Variants in ACSL1 observed in about 807,000 individuals in gnomAD.
ACSL1 encodes acyl-CoA synthetase long chain family member 1, also known as long-chain-fatty-acid--CoA ligase 1.
In ACSL1, 41 loss-of-function variants were observed where a neutral mutation model predicts 98.4. That is an observed-to-expected ratio of 0.42 (90% CI 0.32 to 0.54). ACSL1 has a LOEUF of 0.54. Among genes scored for constraint, ACSL1 ranks in the 20% least tolerant of loss-of-function variants. The pLI is 0.13. For synonymous variants in ACSL1, 316 were observed against 322.7 expected (o/e 0.98, Z 0.22); for missense variants, 734 against 883.1 (o/e 0.83, Z 2.14).
At chr4:184,771,068 A>G (rs1047840740) in intron 10 of ACSL1, among the ~76,000 whole-genome samples, 8 of 152,110 alleles carry the variant, frequency 5.3e-5, no homozygotes, top group African/African-American at 1.9e-4. Context: ...AGGCTGCAGT[A>G]AGCCGAGATT....
chr4:184,780,316 A>G lies in ACSL1; in HGVS notation c.477+16T>C, dbSNP rs200036489. 341 of 1,603,454 alleles carry G rather than the reference A, an allele frequency of 2.1e-4. 2 individuals are homozygous for G. Among genetic ancestry groups the G allele is most frequent in the Non-Finnish European group, 2.8e-5 (33 of 1,172,426 alleles). On this transcript the variant is annotated intron_variant, in intron 5 of 20. Coordinates refer to ENST00000281455, the MANE Select transcript of ACSL1 (RefSeq NM_001995.5). ...ATTCTCAAAATCATGCATAGCAAGTACCTACTGGTTCATACCTCAGGTCTA... is the reference window on the plus strand; with the variant it reads ...ATTCTCAAAATCATGCATAGCAAGTGCCTACTGGTTCATACCTCAGGTCTA...
intron 1 of ACSL1, chr4:184,805,532 G>A: frequency 2.0e-6 from 2 of 985,556 alleles, no homozygotes; most frequent in African/African-American, 3.5e-5. Context: ...CTCACCATCT[G>A]TGCCACCAAC....
chr4:184,807,043 G>A (rs1477910577), intron 1 of ACSL1, among the ~76,000 whole-genome samples: 2 of 152,152 alleles, frequency 1.3e-5, no homozygotes, highest in African/African-American at 2.4e-5. Context: ...AAGGCACTTG[G>A]GGTATTTAAA....
chr4:184,783,910 G>C lies in ACSL1; in HGVS notation c.375+17C>G. Reference sequence around the variant, plus strand: ...CTTGCAAGAGGAGTCCACAGAGCCTGTCTCATACAAACTCACCTGTTTATA... The same window carrying C: ...CTTGCAAGAGGAGTCCACAGAGCCTCTCTCATACAAACTCACCTGTTTATA... On this transcript the variant is annotated intron_variant, in intron 4 of 20. Coordinates refer to ENST00000281455, the MANE Select transcript of ACSL1 (RefSeq NM_001995.5). The C allele has an allele frequency of 3.1e-6, 5 of 1,610,606 alleles. No individual in the cohort carries two copies. Among genetic ancestry groups the C allele is most frequent in the Non-Finnish European group, 4.2e-6 (5 of 1,177,122 alleles).
Position 184,799,830 on chromosome 4 carries a change from C to T in ACSL1, c.195+3490G>A, listed in dbSNP as rs575862799. On this transcript the variant is annotated intron_variant, in intron 2 of 20. Transcript: ENST00000281455. Reference sequence around the variant, plus strand: ...CACCACTGCACTCCAGCCTGGGCAACAGAGCGAGACCCTGTCTCTAAATAA... The same window carrying T: ...CACCACTGCACTCCAGCCTGGGCAATAGAGCGAGACCCTGTCTCTAAATAA... Among the ~76,000 whole-genome samples the T allele has an allele frequency of 1.8e-4, 27 of 152,266 alleles. No individual in the cohort carries two copies. The South Asian group carries it at 5.6e-3, about 32-fold the overall frequency.
chr4:184,780,355 T>A lies in ACSL1; in HGVS notation c.454A>T (p.Ile152Phe), dbSNP rs925874550. 1 of 1,613,718 alleles carries A rather than the reference T, an allele frequency of 6.2e-7. No individual in the cohort carries two copies. The highest frequency in any genetic ancestry group is 1.3e-5 in the African/African-American group (1 of 74,920). ...FKTAPDQFIG[I>F]FAQNRPEWVI... ...ACCTCAGGTCTATTTTGAGCAAAGA[T>A]GCCAATGAACTGATCTGGGGCAGTC... Residue 152 changes from isoleucine (I) to phenylalanine (F), a missense_variant, in exon 5 of 21, where the codon ATC becomes TTC. By Grantham distance (21) the Ile-to-Phe change is conservative (BLOSUM62 0). Transcript: ENST00000281455.
intron 1 of ACSL1, among the ~76,000 whole-genome samples, chr4:184,815,326 G>A (rs938304797): frequency 5.3e-5 from 8 of 152,124 alleles, no homozygotes; most frequent in East Asian, 3.9e-4. Context: ...ACTCGCAGCC[G>A]CATTGTAAGG....
At chr4:184,781,136 A>C (rs1250795310) in intron 4 of ACSL1, among the ~76,000 whole-genome samples, 1 of 147,726 alleles carries the variant, frequency 6.8e-6, no homozygotes, top group Non-Finnish European at 1.5e-5. Context: ...CAGGAGGCTG[A>C]GGCAGAATTG....
intron 1 of ACSL1, among the ~76,000 whole-genome samples, chr4:184,824,254 T>C (rs886280833): frequency 6.6e-6 from 1 of 152,052 alleles, no homozygotes; most frequent in Non-Finnish European, 1.5e-5. Context: ...GCCTCTCGAG[T>C]AGCTGGGACT....
chr4:184,806,595 G>A (rs1579953233), intron 1 of ACSL1, among the ~76,000 whole-genome samples: 1 of 152,016 alleles, frequency 6.6e-6, no homozygotes, highest in African/African-American at 2.4e-5. Context: ...AGACACAGGG[G>A]ATTAATTTGT....
At chr4:184,791,859 A>G (rs1768433341) in intron 2 of ACSL1, among the ~76,000 whole-genome samples, 1 of 152,114 alleles carries the variant, frequency 6.6e-6, no homozygotes, top group Non-Finnish European at 1.5e-5. Context: ...TGTCCCCTTT[A>G]ATCAAATAGA....
chr4:184,763,015 A>T (rs892221689), intron 16 of ACSL1, 152 bp downstream of exon 16: 1 of 728,702 alleles, frequency 1.4e-6, no homozygotes, highest in Non-Finnish European at 2.2e-6. Context: ...ACATAAATGT[A>T]CCCTCAGAAA....
intron 1 of ACSL1, among the ~76,000 whole-genome samples, chr4:184,821,612 G>A (rs1393774417): frequency 6.6e-6 from 1 of 152,152 alleles, no homozygotes; most frequent in Non-Finnish European, 1.5e-5. Flanking sequence ...TTAATTTCAA[G>A]AGTTTTAAAG....
At chr4:184,771,225 G>T (rs1350395407) in intron 10 of ACSL1, among the ~76,000 whole-genome samples, 1 of 152,074 alleles carries the variant, frequency 6.6e-6, no homozygotes, top group African/African-American at 2.4e-5. Flanking sequence ...GGAAAATTTT[G>T]CTCAAATTGG....
At chr4:184,824,541 T>A (rs928246024) in intron 1 of ACSL1, among the ~76,000 whole-genome samples, 1 of 152,208 alleles carries the variant, frequency 6.6e-6, no homozygotes, top group Non-Finnish European at 1.5e-5. Context: ...ATTTTTCTAG[T>A]CGCAGAATTT....
In ACSL1 at chr4:184,766,071, C is replaced by T. The variant is rs2150290218; in HGVS notation, c.1264-85G>A. ...TCCGCCAAGGGGGCCTGCTTGGGACCCCGTTCCCTAACCCATAGCTGCAGA... is the reference window on the plus strand; with the variant it reads ...TCCGCCAAGGGGGCCTGCTTGGGACTCCGTTCCCTAACCCATAGCTGCAGA... On this transcript the variant is annotated intron_variant, in intron 13 of 20. Coordinates refer to ENST00000281455, the MANE Select transcript of ACSL1 (RefSeq NM_001995.5). The surrounding 1 kb of genome is among the most constrained non-coding windows in gnomAD (Gnocchi z 4.8). 8 of 1,334,764 alleles carry T rather than the reference C, an allele frequency of 6.0e-6. No homozygotes were observed. The East Asian group carries it at 1.9e-4, about 31-fold the overall frequency. 82.7% of individuals were successfully genotyped at this position (1,334,764 alleles called of 1,614,324 possible).
intron 12 of ACSL1, among the ~76,000 whole-genome samples, chr4:184,767,714 C>T (rs569417043): frequency 6.6e-6 from 1 of 152,144 alleles, no homozygotes; most frequent in African/African-American, 2.4e-5. Flanking sequence ...TGAGAGATAA[C>T]AAAAGTCCTG....
chr4:184,761,180 AT>A (rs1762808716), intron 17 of ACSL1, among the ~76,000 whole-genome samples: 1 of 152,048 alleles, frequency 6.6e-6, no homozygotes, highest in Non-Finnish European at 1.5e-5. Context: ...CCAGTTCTCC[AT>A]TTTCAAAAGG....
chr4:184,772,765 G>A (rs1276860835), intron 10 of ACSL1, among the ~76,000 whole-genome samples: 1 of 152,202 alleles, frequency 6.6e-6, no homozygotes, highest in Non-Finnish European at 1.5e-5. Flanking sequence ...AAAAACACAA[G>A]AGAGTCCATC....
Sources: gnomAD v4.1 joint callset for allele counts (sites outside exome capture counted in the v4.1 genomes callset) on GRCh38, gnomAD v4.1.1 for gene constraint, Gnocchi (gnomAD v3.1) non-coding constraint, MANE v1.5 for transcripts, NCBI Gene and HGNC (gene_info 2026-07-23, HGNC 2026-07-21) for gene names.